PAPLN: variants seen among roughly 807,000 people sequenced by gnomAD.
The protein encoded by PAPLN is papilin, proteoglycan like sulfated glycoprotein.
In PAPLN, 146 loss-of-function variants were observed where a neutral mutation model predicts 159.0. The ratio of observed to expected loss-of-function variants is 0.92; its 90% CI spans 0.80 to 1.05. The LOEUF is 1.05. Ranked by LOEUF, PAPLN falls within the 50% of genes least tolerant of loss-of-function variation. The probability of loss-of-function intolerance (pLI) is 0.00; values close to 1 mark genes in which losing one functional copy is unlikely to be tolerated. For synonymous variants in PAPLN, 734 were observed against 702.9 expected, an observed-to-expected ratio of 1.04 and a Z score of -0.70; for missense variants, 1,720 against 1,743.9, an observed-to-expected ratio of 0.99 and a Z score of 0.24.
chr14:73,260,637 G>C (rs1035676927), intron 16 of PAPLN, 72 bp from the exon 17 acceptor site: 117 of 1,356,338 alleles, frequency 8.6e-5, no homozygotes, highest in Non-Finnish European at 1.0e-4. Context: ...GGGAGCCTCA[G>C]AGCCTGGGTC....
In PAPLN at chr14:73,239,138, G is replaced by A. The variant is rs187363462; in HGVS notation, c.-6-635G>A. Among the ~76,000 whole-genome samples the A allele has an allele frequency of 2.6e-5, 4 of 152,046 alleles. No individual in the cohort carries two copies. The East Asian group carries it at 7.7e-4, about 29-fold the overall frequency. On this transcript the variant is annotated intron_variant, in intron 1 of 26. Coordinates refer to ENST00000644200, the MANE Select transcript of PAPLN (RefSeq NM_001365906.3). ...CACACACTGCACTGCACACTGCCCTGAGCACACTACACTGTACTGCACACT... is the reference window on the plus strand; with the variant it reads ...CACACACTGCACTGCACACTGCCCTAAGCACACTACACTGTACTGCACACT...
chr14:73,263,803 C>T, intron 20 of PAPLN, 21 bp downstream of exon 20: 2 of 1,591,946 alleles, frequency 1.3e-6, no homozygotes, highest in Non-Finnish European at 1.7e-6. Flanking sequence ...GTCCCCCCAC[C>T]TCCTCTGACA....
At chr14:73,255,129 C>G in intron 14 of PAPLN, 111 bp downstream of exon 14, 1 of 1,391,706 alleles carries the variant, frequency 7.2e-7, no homozygotes. Flanking sequence ...TGTCATCCCT[C>G]TGGACCCCAC....
intron 5 of PAPLN, among the ~76,000 whole-genome samples, chr14:73,248,801 G>A (rs550285906): frequency 3.8e-4 from 57 of 151,852 alleles, no homozygotes; most frequent in African/African-American, 1.4e-3. Flanking sequence ...CAGCCCGGAC[G>A]ACAGAGTGAG....
At chr14:73,251,912 G>A in intron 9 of PAPLN, 76 bp downstream of exon 9, 1 of 1,545,470 alleles carries the variant, frequency 6.5e-7, no homozygotes, top group South Asian at 1.2e-5. Context: ...CTGTACATGG[G>A]GGGTTGAGTG....
At chr14:73,243,855 C>T (rs1594777156) in intron 2 of PAPLN, 1 of 152,242 alleles carries the variant, frequency 6.6e-6, no homozygotes, top group Non-Finnish European at 1.5e-5. Context: ...CAAAATCCTC[C>T]AGGCTCTAGA....
chr14:73,253,087 G>A (rs752309397), intron 11 of PAPLN: 67 of 1,376,956 alleles, frequency 4.9e-5, no homozygotes, highest in Non-Finnish European at 6.4e-5. Flanking sequence ...TGGCTTGGCA[G>A]ATGCCAAGGG....
rs562890068 is a variant in PAPLN at position 73,257,753 on chromosome 14, C to CTTTTTTTTTTTTTTTTTTT, written c.1628-1216_1628-1198dup. Among the ~76,000 whole-genome samples the CTTTTTTTTTTTTTTTTTTT allele has an allele frequency of 3.7e-4, 34 of 91,254 alleles. 2 individuals are homozygous for CTTTTTTTTTTTTTTTTTTT. In the East Asian group the frequency reaches 4.9e-3, roughly 13 times the overall value. The allele number at this position is 91,254 out of a possible 152,430, so 59.9% of individuals were successfully genotyped here. ...GTTTTCATTATCTAGTCTCTTTCTT[C>CTTTTTTTTTTTTTTTTTTT]TTTTTTTTTTTTTTTTTTTTTTTTT... On this transcript the variant is annotated intron_variant, in intron 14 of 26. Transcript: ENST00000644200.
chr14:73,244,691 G>A lies in PAPLN; in HGVS notation c.102G>A (p.Gln34=). 1 of 1,598,846 alleles carries A rather than the reference G, an allele frequency of 6.3e-7. No homozygotes were observed. Among genetic ancestry groups the A allele is most frequent in the South Asian group, 1.1e-5 (1 of 88,092 alleles). Residue 34 remains glutamine, a synonymous_variant, in exon 3 of 27, where the codon CAG becomes CAA. Coordinates refer to ENST00000644200, the MANE Select transcript of PAPLN (RefSeq NM_001365906.3). ...GTGACACCTGGGGACCCTGGAGCCAGTGGAGCCCCTGCAGCCGGACCTGTG... is the reference window on the plus strand; with the variant it reads ...GTGACACCTGGGGACCCTGGAGCCAATGGAGCCCCTGCAGCCGGACCTGTG... ...RQSDTWGPWS[Q]WSPCSRTCGG...
intron 21 of PAPLN, 93 bp from the exon 22 acceptor site, chr14:73,264,495 T>C: frequency 6.6e-7 from 1 of 1,523,676 alleles, no homozygotes; most frequent in Non-Finnish European, 8.8e-7. Flanking sequence ...GGCCCTCATT[T>C]CTCCGTAAGT....
chr14:73,267,618 A>G (rs1887346279), intron 25 of PAPLN, among the ~76,000 whole-genome samples: 1 of 152,234 alleles, frequency 6.6e-6, no homozygotes, highest in Admixed American at 6.5e-5. Context: ...GGACACCAGG[A>G]TAGGAACCGG....
rs374221795 is a variant in PAPLN, at chr14:73,254,541, G to A, written c.1331G>A (p.Arg444Gln). 4.0e-5 allele frequency: 64 copies of A among 1,614,042 alleles called. No homozygotes were observed. The highest frequency in any genetic ancestry group is 3.1e-4 in the African/African-American group (23 of 75,060). ...TCTGTCAGTTGTGGCGTTGGCGTCC[G>A]GAAGCGGAGCGTTACTTGCCGGGGT... is the stretch of plus-strand genomic sequence containing the variant. ...ECSVSCGVGVRKRSVTCRGER... is the reference protein window; with the variant it reads ...ECSVSCGVGVQKRSVTCRGER... The change falls in exon 13 of 27, where the codon CGG becomes CAG. Residue 444 changes from arginine (R) to glutamine (Q), a missense_variant. Transcript: ENST00000644200.
Position 73,261,201 on chromosome 14 carries a change from G to A in PAPLN, c.2152G>A (p.Glu718Lys), listed in dbSNP as rs1193103108. 6.2e-7 allele frequency: 1 copy of A among 1,614,060 alleles called. No homozygotes were observed. The highest frequency in any genetic ancestry group is 1.1e-5 in the South Asian group (1 of 91,078). ...QPQAQQNEPS[E>K]CRGSQFGCCY... ...CCAGGCCCAGCAGAATGAGCCCAGT[G>A]AGTGCCGGGGCTCCCAGTTTGGCTG... The change falls in exon 18 of 27, where the codon GAG becomes AAG. Residue 718 changes from glutamate (E) to lysine (K), a missense_variant. Coordinates refer to ENST00000644200, the MANE Select transcript of PAPLN (RefSeq NM_001365906.3).
intron 16 of PAPLN, 118 bp from the exon 17 acceptor site, chr14:73,260,591 C>G (rs1017431471): frequency 7.9e-7 from 1 of 1,267,270 alleles, no homozygotes; most frequent in Non-Finnish European, 1.0e-6. Context: ...CACGTCCTCT[C>G]CCCCCCAGGT....
chr14:73,270,476 C>T (rs990859755), intron 26 of PAPLN, among the ~76,000 whole-genome samples: 2 of 152,210 alleles, frequency 1.3e-5, no homozygotes. Context: ...CCGCGACACT[C>T]AGATACATGG....
chr14:73,255,782 T>C (rs1226295304), intron 14 of PAPLN, among the ~76,000 whole-genome samples: 1 of 152,174 alleles, frequency 6.6e-6, no homozygotes, highest in East Asian at 1.9e-4. Flanking sequence ...GCAGAATTTC[T>C]ATGAGACATG....
Position 73,266,750 on chromosome 14 carries a change from C to T in PAPLN, c.3419C>T (p.Pro1140Leu), listed in dbSNP as rs1331389547. The T allele has an allele frequency of 6.2e-7, 1 of 1,613,942 alleles. No homozygotes were observed. Among genetic ancestry groups the T allele is most frequent in the South Asian group, 1.1e-5 (1 of 91,050 alleles). The part of the protein sequence containing the change: ...LGELTISGLP[P>L]TVTVPEGDTA... ...GAGCTGACAATCTCAGGACTGCCCC[C>T]TACTGTGACAGTGCCAGAGGGTGAT... is the stretch of plus-strand genomic sequence containing the variant. Residue 1140 changes from proline (P) to leucine (L), a missense_variant, in exon 25 of 27, where the codon CCT (proline) becomes CTT (leucine). By Grantham distance (98) the Pro-to-Leu change is moderately conservative (BLOSUM62 -3). Coordinates refer to ENST00000644200, the MANE Select transcript of PAPLN (RefSeq NM_001365906.3).
chr14:73,251,072 C>T, intron 7 of PAPLN, 42 bp downstream of exon 7: 1 of 1,558,978 alleles, frequency 6.4e-7, no homozygotes, highest in Non-Finnish European at 8.7e-7. Flanking sequence ...TGCCCCCTTC[C>T]TTGCCTGTCC....
chr14:73,244,606 G>A (rs753107873), intron 2 of PAPLN, 38 bp from the exon 3 acceptor site: 22 of 1,511,804 alleles, frequency 1.5e-5, no homozygotes, highest in Non-Finnish European at 1.9e-5. Context: ...CTCAGGCTGT[G>A]AGTGGGCAAT....
Sources: gnomAD v4.1 joint callset for allele counts (sites outside exome capture counted in the v4.1 genomes callset) on GRCh38, gnomAD v4.1.1 for gene constraint, MANE v1.5 for transcripts, NCBI Gene and HGNC (gene_info 2026-07-23, HGNC 2026-07-21) for gene names.